The following MAL variants were observed in gnomAD, a reference collection of about 807,000 sequenced individuals.
MAL encodes the protein mal, T cell differentiation protein (MAL blood group).
In MAL, 5 loss-of-function variants were observed where a neutral mutation model predicts 16.7. The observed-to-expected ratio is 0.30, with a 90% CI of 0.16 to 0.63. The LOEUF (loss-of-function observed/expected upper bound fraction) is 0.63. MAL is among the 30% of genes least tolerant of loss of function. The pLI, the probability that MAL is intolerant of heterozygous loss-of-function variation, is 0.82. For synonymous variants in MAL, 96 were observed against 85.5 expected (o/e 1.12, Z -0.67); for missense variants, 202 against 195.8 (o/e 1.03, Z -0.19).
chr2:95,029,812 C>G (rs1368750562), intron 1 of MAL, among the ~76,000 whole-genome samples: 1 of 152,186 alleles, frequency 6.6e-6, no homozygotes, highest in Non-Finnish European at 1.5e-5. Context: ...AAAGATGGTC[C>G]TCCTGATTGT....
In MAL at chr2:95,053,459, C is replaced by A; in HGVS notation, c.*4C>A. The A allele has an allele frequency of 6.2e-7, 1 of 1,610,048 alleles. No individual in the cohort carries two copies. The highest frequency in any genetic ancestry group is 8.5e-7 in the Non-Finnish European group (1 of 1,176,338). ...AATCAGATGGAAGTCTTCATAAAGC[C>A]GCAGTAGAACTTGAGCTGAAAACCC... On this transcript the variant is annotated 3_prime_UTR_variant, in exon 4 of 4. Coordinates refer to ENST00000309988, the MANE Select transcript of MAL (RefSeq NM_002371.4).
chr2:95,030,039 C>T (rs1383426100), intron 1 of MAL, among the ~76,000 whole-genome samples: 3 of 152,304 alleles, frequency 2.0e-5, no homozygotes, highest in East Asian at 1.9e-4. Context: ...GCCTGGGAGG[C>T]GCAGATGTCC....
intron 1 of MAL, among the ~76,000 whole-genome samples, chr2:95,030,795 G>A (rs1351653012): frequency 6.6e-6 from 1 of 152,184 alleles, no homozygotes; most frequent in Non-Finnish European, 1.5e-5. Flanking sequence ...GTTGGGGTGG[G>A]GAGACACCCG....
intron 1 of MAL, among the ~76,000 whole-genome samples, chr2:95,043,502 CT>C (rs1161639481): frequency 6.6e-6 from 1 of 152,222 alleles, no homozygotes; most frequent in East Asian, 1.9e-4. Context: ...CCCACAGTGA[CT>C]TCGGAGGACA....
At chr2:95,034,075 C>T (rs139229664) in intron 1 of MAL, among the ~76,000 whole-genome samples, 142 of 152,338 alleles carry the variant, frequency 9.3e-4, no homozygotes, top group Non-Finnish European at 1.4e-3. Context: ...TGGCAGGGTC[C>T]GCAAGGCCCG....
At chr2:95,038,965 TGAGTGACTGAGTGAGTGACC>T (rs1301728929) in intron 1 of MAL, among the ~76,000 whole-genome samples, 7 of 151,338 alleles carry the variant, frequency 4.6e-5, no homozygotes, top group African/African-American at 1.5e-4. Flanking sequence ...AGCAAGTGAG[TGAGTGACTGAGTGAGTGACC>T]GAGTGACTGA....
At chr2:95,032,263 C>G (rs1327390442) in intron 1 of MAL, among the ~76,000 whole-genome samples, 1 of 152,256 alleles carries the variant, frequency 6.6e-6, no homozygotes, top group Non-Finnish European at 1.5e-5. Context: ...ATTGTGCTGC[C>G]AGCACAGACT....
chr2:95,038,480 CTGAG>C (rs1306755867), intron 1 of MAL, among the ~76,000 whole-genome samples: 18 of 67,850 alleles, frequency 2.7e-4, no homozygotes, highest in South Asian at 5.2e-4. Flanking sequence ...GAGTGAGTGA[CTGAG>C]TGAGTGAGTG....
chr2:95,044,947 C>T (rs1674552317), intron 1 of MAL, among the ~76,000 whole-genome samples: 2 of 152,242 alleles, frequency 1.3e-5, no homozygotes, highest in Non-Finnish European at 2.9e-5. Flanking sequence ...AGTGAGATGA[C>T]TCTGCAGACA....
intron 1 of MAL, among the ~76,000 whole-genome samples, chr2:95,039,328 CTGAGTGAG>C (rs1170081356): frequency 2.4e-5 from 2 of 83,320 alleles, no homozygotes; most frequent in Non-Finnish European, 5.0e-5. Flanking sequence ...GAGTGAGTGA[CTGAGTGAG>C]TGAGTGAGTG....
intron 1 of MAL, among the ~76,000 whole-genome samples, chr2:95,028,919 C>T (rs904299311): frequency 3.3e-5 from 5 of 152,128 alleles, no homozygotes; most frequent in Admixed American, 6.5e-5. Context: ...TGTTTAATCG[C>T]TATGTGGTTT....
intron 1 of MAL, among the ~76,000 whole-genome samples, chr2:95,042,470 T>C (rs948188746): frequency 2.0e-5 from 3 of 152,138 alleles, no homozygotes; most frequent in Non-Finnish European, 2.9e-5. Flanking sequence ...CTGAGGAGGA[T>C]AGAGTGTTTG....
At chr2:95,035,000 C>T (rs1171887491) in intron 1 of MAL, among the ~76,000 whole-genome samples, 4 of 152,154 alleles carry the variant, frequency 2.6e-5, no homozygotes, top group Non-Finnish European at 4.4e-5. Flanking sequence ...GGAAGGGGCT[C>T]GGGTCTCCTC....
chr2:95,052,803 C>T (rs1391229240), intron 3 of MAL, among the ~76,000 whole-genome samples: 1 of 152,196 alleles, frequency 6.6e-6, no homozygotes, highest in Non-Finnish European at 1.5e-5. Flanking sequence ...AGCTCAAAAT[C>T]CCTTCTCCCC....
chr2:95,039,704 CTGAG>C (rs1042323245), intron 1 of MAL, among the ~76,000 whole-genome samples: 8 of 131,634 alleles, frequency 6.1e-5, no homozygotes, highest in African/African-American at 8.9e-5. Context: ...GACTGAGTGA[CTGAG>C]TGAGGACTGA....
intron 3 of MAL, 94 bp downstream of exon 3, chr2:95,049,800 A>C: frequency 6.5e-7 from 1 of 1,534,248 alleles, no homozygotes; most frequent in South Asian, 1.2e-5. Context: ...GTCTGTTTTC[A>C]GTTCACTAAC....
chr2:95,045,760 C>T (rs1674571829), intron 1 of MAL, among the ~76,000 whole-genome samples: 1 of 152,228 alleles, frequency 6.6e-6, no homozygotes, highest in Non-Finnish European at 1.5e-5. Flanking sequence ...TCGCATGCCT[C>T]CTGAATCCAA....
chr2:95,032,944 G>A (rs910921858), intron 1 of MAL, among the ~76,000 whole-genome samples: 35 of 152,202 alleles, frequency 2.3e-4, no homozygotes, highest in Admixed American at 9.2e-4. Flanking sequence ...AACATATGTA[G>A]GAAATCAAAG....
chr2:95,049,551 C>T (rs1674666912), intron 2 of MAL, 30 bp from the exon 3 acceptor site: 1 of 1,613,292 alleles, frequency 6.2e-7, no homozygotes. Flanking sequence ...TCTCTCTCCC[C>T]ATCCCTCTGA....
Sources: gnomAD v4.1 joint callset for allele counts (sites outside exome capture counted in the v4.1 genomes callset) on GRCh38, gnomAD v4.1.1 for gene constraint, MANE v1.5 for transcripts, NCBI Gene and HGNC (gene_info 2026-07-23, HGNC 2026-07-21) for gene names.